Variants in EPHA3 observed in about 807,000 individuals in gnomAD.
EPHA3 encodes ephrin type-A receptor 3.
A neutral mutation model predicts 107.1 loss-of-function variants in EPHA3; 42 were observed. The ratio of observed to expected loss-of-function variants is 0.39; its 90% CI spans 0.31 to 0.51. The LOEUF (loss-of-function observed/expected upper bound fraction) is 0.51. Among genes scored for constraint, EPHA3 ranks in the 20% least tolerant of loss-of-function variants. The probability of loss-of-function intolerance (pLI) is 0.78; values close to 1 mark genes in which losing one functional copy is unlikely to be tolerated. For synonymous variants in EPHA3, 461 were observed against 424.8 expected (o/e 1.09, Z -1.05); for missense variants, 1,183 against 1,211.2 (o/e 0.98, Z 0.35).
intron 13 of EPHA3, among the ~76,000 whole-genome samples, chr3:89,446,567 T>C (rs929139185): frequency 6.6e-6 from 1 of 152,106 alleles, no homozygotes; most frequent in Non-Finnish European, 1.5e-5. Flanking sequence ...ATGGCTGTCA[T>C]CAACCTATTG....
chr3:89,413,038 AT>A, intron 9 of EPHA3, 102 bp from the exon 10 acceptor site: 3 of 1,484,700 alleles, frequency 2.0e-6, no homozygotes, highest in Non-Finnish European at 2.8e-6. Flanking sequence ...TGTGCACCTT[AT>A]GGGGTAGGGA....
intron 2 of EPHA3, among the ~76,000 whole-genome samples, chr3:89,184,426 G>A (rs1318194921): frequency 1.3e-5 from 2 of 151,906 alleles, no homozygotes; most frequent in Non-Finnish European, 2.9e-5. Flanking sequence ...GTTTACATTG[G>A]CATTAATCTA....
At chr3:89,137,990 T>C (rs1207393926) in intron 2 of EPHA3, among the ~76,000 whole-genome samples, 1 of 151,948 alleles carries the variant, frequency 6.6e-6, no homozygotes, top group East Asian at 1.9e-4. Context: ...TAATAGGCTG[T>C]CCATGGGATT....
At chr3:89,340,129 A>C (rs1291950567) in intron 3 of EPHA3, among the ~76,000 whole-genome samples, 3 of 152,236 alleles carry the variant, frequency 2.0e-5, no homozygotes, top group African/African-American at 7.2e-5. Context: ...TGAACCCTAA[A>C]TTATAAGCTG....
chr3:89,427,906 G>A (rs1257377396), intron 11 of EPHA3, among the ~76,000 whole-genome samples: 1 of 151,158 alleles, frequency 6.6e-6, no homozygotes, highest in Non-Finnish European at 1.5e-5. Context: ...CCTTTTTTTG[G>A]TATTTTTCTT....
chr3:89,270,786 A>G (rs561351245), intron 3 of EPHA3, among the ~76,000 whole-genome samples: 133 of 152,268 alleles, frequency 8.7e-4, no homozygotes, highest in African/African-American at 3.1e-3. Flanking sequence ...AAAAGCAAAC[A>G]AAACACACTG....
chr3:89,230,941 T>C (rs535953517), intron 3 of EPHA3, among the ~76,000 whole-genome samples: 6 of 152,134 alleles, frequency 3.9e-5, no homozygotes, highest in African/African-American at 9.6e-5. Context: ...GTGCCCATCA[T>C]TGGCTTTCTC....
chr3:89,107,877 G>A (rs751350319), intron 1 of EPHA3, 41 bp downstream of exon 1: 3 of 1,583,204 alleles, frequency 1.9e-6, no homozygotes, highest in Non-Finnish European at 2.6e-6. Context: ...TGCCCCGCGG[G>A]GCTCACGCTC....
chr3:89,347,341 G>A (rs1266460134), intron 5 of EPHA3, among the ~76,000 whole-genome samples: 1 of 147,714 alleles, frequency 6.8e-6, no homozygotes, highest in East Asian at 2.0e-4. Context: ...CACATCCCTT[G>A]TAAGTTGGAT....
chr3:89,356,028 C>T (rs1285663161), intron 5 of EPHA3, among the ~76,000 whole-genome samples: 1 of 133,168 alleles, frequency 7.5e-6, no homozygotes, highest in Admixed American at 8.3e-5. Flanking sequence ...GTTCCCCTTC[C>T]TGTGTCCATG....
chr3:89,253,008 C>T (rs1370412891), intron 3 of EPHA3, among the ~76,000 whole-genome samples: 1 of 151,840 alleles, frequency 6.6e-6, no homozygotes, highest in Non-Finnish European at 1.5e-5. Context: ...CTTAGTCATT[C>T]TCCATTGCCA....
intron 3 of EPHA3, among the ~76,000 whole-genome samples, chr3:89,284,286 T>G (rs1462716151): frequency 2.0e-5 from 3 of 152,078 alleles, no homozygotes; most frequent in African/African-American, 4.8e-5. Flanking sequence ...TAGACTCAGG[T>G]AGAGTGACTG....
intron 11 of EPHA3, among the ~76,000 whole-genome samples, chr3:89,420,876 C>T (rs1479445767): frequency 6.6e-6 from 1 of 151,446 alleles, no homozygotes; most frequent in East Asian, 1.9e-4. Context: ...TATGAAGTAT[C>T]TGTTATGTGC....
chr3:89,201,028 A>C (rs1705956046), intron 2 of EPHA3, among the ~76,000 whole-genome samples: 1 of 152,162 alleles, frequency 6.6e-6, no homozygotes, highest in Non-Finnish European at 1.5e-5. Flanking sequence ...AACACTACCT[A>C]AGACTGGGTG....
intron 16 of EPHA3, 23 bp from the exon 17 acceptor site, chr3:89,479,374 T>A (rs749583923): frequency 2.5e-6 from 4 of 1,593,032 alleles, no homozygotes; most frequent in East Asian, 4.5e-5. Flanking sequence ...AACCGATTCT[T>A]ATATTGTTTT....
At chr3:89,208,179 G>A (rs1020389750) in intron 2 of EPHA3, among the ~76,000 whole-genome samples, 1 of 151,730 alleles carries the variant, frequency 6.6e-6, no homozygotes, top group Non-Finnish European at 1.5e-5. Context: ...CAAGATCACT[G>A]GCCAACATGG....
chr3:89,454,073 A>G (rs1710051413), intron 15 of EPHA3, among the ~76,000 whole-genome samples: 1 of 152,126 alleles, frequency 6.6e-6, no homozygotes, highest in African/African-American at 2.4e-5. Flanking sequence ...TATTACACAT[A>G]CAAATATCCA....
At chr3:89,170,828 G>A (rs1299040158) in intron 2 of EPHA3, among the ~76,000 whole-genome samples, 3 of 151,858 alleles carry the variant, frequency 2.0e-5, no homozygotes, top group Non-Finnish European at 2.9e-5. Flanking sequence ...TGCTCATTTT[G>A]GTTATTTTTG....
intron 2 of EPHA3, among the ~76,000 whole-genome samples, chr3:89,173,993 A>G (rs1474576802): frequency 6.6e-6 from 1 of 152,054 alleles, no homozygotes; most frequent in African/African-American, 2.4e-5. Flanking sequence ...TTTGGGACAT[A>G]TATTTTGGGA....
Sources: gnomAD v4.1 joint callset for allele counts (sites outside exome capture counted in the v4.1 genomes callset) on GRCh38, gnomAD v4.1.1 for gene constraint, MANE v1.5 for transcripts, NCBI Gene and HGNC (gene_info 2026-07-23, HGNC 2026-07-21) for gene names.